The following LRRC8B variants were observed in gnomAD, a reference collection of about 807,000 sequenced individuals.
LRRC8B encodes volume-regulated anion channel subunit LRRC8B.
Under a neutral mutation model 58.8 loss-of-function variants are expected in LRRC8B, and 23 were observed. The observed-to-expected ratio is 0.39, with a 90% CI of 0.28 to 0.55. The LOEUF is 0.55. LRRC8B is among the 20% of genes least tolerant of loss of function. The pLI is 0.62. For missense variants in LRRC8B, 694 were observed against 936.0 expected (o/e 0.74, Z 3.37); for synonymous variants, 359 against 374.1 (o/e 0.96, Z 0.47).
chr1:89,555,914 C>T (rs533612252), intron 1 of LRRC8B, among the ~76,000 whole-genome samples: 1 of 152,308 alleles, frequency 6.6e-6, no homozygotes, highest in African/African-American at 2.4e-5. Context: ...CATCACAGAG[C>T]CCCATTCCTG....
intron 3 of LRRC8B, among the ~76,000 whole-genome samples, chr1:89,570,012 G>T (rs1362524807): frequency 6.6e-6 from 1 of 152,064 alleles, no homozygotes; most frequent in Non-Finnish European, 1.5e-5. Flanking sequence ...AAGGATAATG[G>T]CCTCTAGCTC....
chr1:89,572,816 A>G (rs999229316), intron 3 of LRRC8B, among the ~76,000 whole-genome samples: 4 of 152,228 alleles, frequency 2.6e-5, no homozygotes, highest in African/African-American at 7.2e-5. Context: ...TTGTGTTAAT[A>G]TTACAAGAAT....
chr1:89,535,923 G>C (rs1045120629), intron 1 of LRRC8B, among the ~76,000 whole-genome samples: 1 of 152,020 alleles, frequency 6.6e-6, no homozygotes, highest in Non-Finnish European at 1.5e-5. Context: ...AAATGCAATT[G>C]AGAGGGAGAG....
chr1:89,549,321 A>ATTCCTTCATGTTTCTATTAACCCTGTT (rs1651640062), intron 1 of LRRC8B, among the ~76,000 whole-genome samples: 1 of 152,212 alleles, frequency 6.6e-6, no homozygotes, highest in African/African-American at 2.4e-5. Context: ...CACATCAGAA[A>ATTCCTTCATGTTTCTATTAACCCTGTT]TTCCTTCATG....
intron 1 of LRRC8B, among the ~76,000 whole-genome samples, chr1:89,528,522 A>G (rs939470340): frequency 2.0e-5 from 3 of 152,212 alleles, no homozygotes; most frequent in Admixed American, 1.3e-4. Flanking sequence ...GACAGGCCTG[A>G]TTCTGAACTC....
rs1185893026 is a variant in LRRC8B at position 89,568,290 on chromosome 1, T to C, written c.-197T>C. 1 of 152,196 alleles carries C rather than the reference T, an allele frequency of 6.6e-6. No homozygotes were observed. Among genetic ancestry groups the C allele is most frequent in the Non-Finnish European group, 1.5e-5 (1 of 68,002 alleles). The allele number at this position is 152,196 out of a possible 1,614,324, so 9.4% of individuals were successfully genotyped here. A position where few individuals can be genotyped will look rare whatever the true frequency, so the allele number is the denominator to read the frequency against. ...TGTGAGAAGTCAGAAGGTGATCTCT[T>C]TAATGCTTTCTTTTTAAGTAAGTTA... On this transcript the variant is annotated 5_prime_UTR_variant, in exon 2 of 6. Coordinates refer to ENST00000330947, the MANE Select transcript of LRRC8B (RefSeq NM_001369817.2).
At chr1:89,591,142 GC>G in intron 5 of LRRC8B, among the ~76,000 whole-genome samples, 1 of 152,328 alleles carries the variant, frequency 6.6e-6, no homozygotes, top group Non-Finnish European at 1.5e-5. Flanking sequence ...CTAGCTGGGA[GC>G]CTGGCACATT....
intron 5 of LRRC8B, 84 bp from the exon 6 acceptor site, chr1:89,592,687 T>G: frequency 1.6e-6 from 2 of 1,229,196 alleles, no homozygotes; most frequent in Non-Finnish European, 1.1e-6. Context: ...TGTTTTGTTT[T>G]TTTTTTTTTG....
At chr1:89,559,633 C>T (rs1004924718) in intron 1 of LRRC8B, among the ~76,000 whole-genome samples, 104 of 148,720 alleles carry the variant, frequency 7.0e-4, no homozygotes, top group African/African-American at 2.2e-3. Flanking sequence ...TATATATACA[C>T]ACACACACAC....
chr1:89,525,202 G>T (rs895818881), intron 1 of LRRC8B, among the ~76,000 whole-genome samples, 180 bp downstream of exon 1: 1 of 152,228 alleles, frequency 6.6e-6, no homozygotes, highest in African/African-American at 2.4e-5. Context: ...AGAGACGAGT[G>T]GCCGCTTCGT....
At chr1:89,527,605 A>C (rs1039514013) in intron 1 of LRRC8B, among the ~76,000 whole-genome samples, 1 of 152,216 alleles carries the variant, frequency 6.6e-6, no homozygotes, top group Admixed American at 6.5e-5. Context: ...ATCTGTTTTC[A>C]TATTGCTGCC....
At chr1:89,565,029 T>A (rs1480449316) in intron 1 of LRRC8B, among the ~76,000 whole-genome samples, 1 of 152,192 alleles carries the variant, frequency 6.6e-6, no homozygotes, top group African/African-American at 2.4e-5. Flanking sequence ...TTTATGAGAC[T>A]AAAGCTATCT....
chr1:89,581,315 T>C (rs1654211188), intron 4 of LRRC8B, among the ~76,000 whole-genome samples: 1 of 145,854 alleles, frequency 6.9e-6, no homozygotes. Flanking sequence ...TTGGGGATGC[T>C]ACTAATACTA....
At chr1:89,548,931 C>G (rs1366107385) in intron 1 of LRRC8B, among the ~76,000 whole-genome samples, 1 of 152,046 alleles carries the variant, frequency 6.6e-6, no homozygotes, top group Non-Finnish European at 1.5e-5. Flanking sequence ...GTCATAGTTC[C>G]AAATTAAGTT....
rs143796463 is a variant in LRRC8B, at chr1:89,564,982, G to A, written c.-240-3265G>A. On this transcript the variant is annotated intron_variant, in intron 1 of 5. Coordinates refer to ENST00000330947, the MANE Select transcript of LRRC8B (RefSeq NM_001369817.2). ...TTAAGAGTGTGTTATAGCAGATGTAGCATTATTTACGGTGATCATTATCAG... is the reference window on the plus strand; with the variant it reads ...TTAAGAGTGTGTTATAGCAGATGTAACATTATTTACGGTGATCATTATCAG... 1.9e-3 allele frequency among the ~76,000 whole-genome samples: 282 copies of A among 152,260 alleles called. 3 individuals carry two copies. Among genetic ancestry groups the A allele is most frequent in the African/African-American group, 6.3e-3 (263 of 41,544 alleles).
At chr1:89,543,135 T>C (rs1412464687) in intron 1 of LRRC8B, among the ~76,000 whole-genome samples, 1 of 152,238 alleles carries the variant, frequency 6.6e-6, no homozygotes, top group African/African-American at 2.4e-5. Context: ...ATTTTCGTTA[T>C]AGCCTGAAAC....
At chr1:89,572,602 T>C (rs1255566933) in intron 3 of LRRC8B, 1 of 152,222 alleles carries the variant, frequency 6.6e-6, no homozygotes, top group Non-Finnish European at 1.5e-5. Context: ...TGTCTGCCTG[T>C]CATTTGAAAG....
In LRRC8B at chr1:89,584,782, A is replaced by G. The variant is rs1172356751; in HGVS notation, c.2132A>G (p.Asn711Ser). 4.4e-6 allele frequency: 7 copies of G among 1,588,710 alleles called. No homozygotes were observed. The highest frequency in any genetic ancestry group is 1.4e-5 in the African/African-American group (1 of 73,946). Residue 711 changes from asparagine to serine, a missense_variant, in exon 5 of 6, where the codon AAC (asparagine) becomes AGC (serine). Transcript: ENST00000330947. ...AATTTGCAGTACTTTGCTGTGACCA[A>G]CAACAATGTAAGTAAATCCATTCTT... ...LSNLQYFAVT[N>S]NNIEMLPDGL...
At chr1:89,581,273 C>CA (rs5776023) in intron 4 of LRRC8B, among the ~76,000 whole-genome samples, 1,491 of 71,594 alleles carry the variant, frequency 0.021, 20 homozygotes, top group African/African-American at 0.035. Context: ...GACTCCGTCT[C>CA]AAAAAAAAAA....
Sources: gnomAD v4.1 joint callset for allele counts (sites outside exome capture counted in the v4.1 genomes callset) on GRCh38, gnomAD v4.1.1 for gene constraint, MANE v1.5 for transcripts, NCBI Gene and HGNC (gene_info 2026-07-23, HGNC 2026-07-21) for gene names.